Variants in SLC9A8 observed in about 807,000 individuals in gnomAD.
SLC9A8 encodes solute carrier family 9 member A8, also known as sodium/hydrogen exchanger 8.
In SLC9A8, 48 loss-of-function variants were observed where a neutral mutation model predicts 66.6. The ratio of observed to expected loss-of-function variants is 0.72; its 90% CI spans 0.57 to 0.92. The LOEUF (loss-of-function observed/expected upper bound fraction) is 0.92, where lower values mean the gene tolerates loss of function less well. Ranked by LOEUF, SLC9A8 falls within the 40% of genes least tolerant of loss-of-function variation. The probability of loss-of-function intolerance (pLI) is 0.00; values close to 1 mark genes in which losing one functional copy is unlikely to be tolerated. For missense variants in SLC9A8, 599 were observed against 747.3 expected, an observed-to-expected ratio of 0.80 and a Z score of 2.31; for synonymous variants, 274 against 282.6, an observed-to-expected ratio of 0.97 and a Z score of 0.31.
At position 49,815,015 on chromosome 20, in the gene SLC9A8, C is replaced by T; in HGVS notation, c.34C>T (p.Pro12Ser). The T allele has an allele frequency of 1.9e-6, 3 of 1,570,642 alleles. No homozygotes were observed. The highest frequency in any genetic ancestry group is 2.6e-6 in the Non-Finnish European group (3 of 1,155,466). Residue 12 changes from proline (P) to serine (S), a missense_variant, in exon 2 of 16, where the codon CCC becomes TCC. Physicochemically the swap from Pro to Ser is moderately conservative, Grantham distance 74. Transcript: ENST00000361573. ...GCTTTCTATGTCCTCCAGGAGGTTC[C>T]CCAATACAACTCATGAGGGTTTCAA... is the stretch of plus-strand genomic sequence containing the variant. Reference protein sequence around the residue: ...GEKMAEEERFPNTTHEGFNVT... With the variant: ...GEKMAEEERFSNTTHEGFNVT...
intron 12 of SLC9A8, among the ~76,000 whole-genome samples, chr20:49,879,645 C>T (rs1258422647): frequency 2.6e-5 from 4 of 151,316 alleles, no homozygotes; most frequent in East Asian, 2.0e-4. Flanking sequence ...GCCAACTTGG[C>T]GAAACCCCGT....
chr20:49,847,823 G>T (rs2088062401), intron 5 of SLC9A8, among the ~76,000 whole-genome samples: 1 of 150,654 alleles, frequency 6.6e-6, no homozygotes, highest in Non-Finnish European at 1.5e-5. Flanking sequence ...TTGGGTAAAT[G>T]TTCAGGATCC....
intron 8 of SLC9A8, among the ~76,000 whole-genome samples, chr20:49,858,173 G>A (rs993687913): frequency 3.9e-5 from 6 of 151,916 alleles, no homozygotes; most frequent in African/African-American, 1.2e-4. Context: ...TACTGGTTAC[G>A]GTGTATTCCT....
At chr20:49,840,879 G>T (rs550093897) in intron 4 of SLC9A8, among the ~76,000 whole-genome samples, 1 of 152,066 alleles carries the variant, frequency 6.6e-6, no homozygotes, top group Admixed American at 6.5e-5. Flanking sequence ...CATTTTGAGA[G>T]GCCAAGGTGG....
chr20:49,841,886 C>T lies in SLC9A8; in HGVS notation c.348+2287C>T, dbSNP rs549172115. The stretch of plus-strand genomic sequence containing the variant: ...CTGGGAGTACAGGTGTGAGCCACTG[C>T]GCCTGGGTGTGGCTAATTTTTAAAA... On this transcript the variant is annotated intron_variant, in intron 4 of 15. Coordinates refer to ENST00000361573, the MANE Select transcript of SLC9A8 (RefSeq NM_015266.3). Among the ~76,000 whole-genome samples, 214 of 152,042 alleles carry T rather than the reference C, an allele frequency of 1.4e-3. 1 individual carries two copies. Among genetic ancestry groups the T allele is most frequent in the Middle Eastern group, 6.8e-3 (2 of 294 alleles).
At chr20:49,818,052 C>CT (rs1293922216) in intron 2 of SLC9A8, among the ~76,000 whole-genome samples, 8 of 150,588 alleles carry the variant, frequency 5.3e-5, no homozygotes, top group Non-Finnish European at 1.0e-4. Context: ...TTTGTAATCA[C>CT]TTTTTTTTTA....
chr20:49,830,923 A>C, intron 3 of SLC9A8: 1 of 862,012 alleles, frequency 1.2e-6, no homozygotes. Context: ...CCTGATTTCT[A>C]CTGAAATACA....
intron 10 of SLC9A8, among the ~76,000 whole-genome samples, chr20:49,872,908 T>C (rs954204702): frequency 6.6e-6 from 1 of 152,230 alleles, no homozygotes; most frequent in African/African-American, 2.4e-5. Context: ...GGCAGCTTAT[T>C]TGATGATTTT....
At chr20:49,854,090 T>C (rs2088363905) in intron 7 of SLC9A8, among the ~76,000 whole-genome samples, 1 of 152,176 alleles carries the variant, frequency 6.6e-6, no homozygotes, top group South Asian at 2.1e-4. Context: ...TGACACAGGC[T>C]GGCCATTGGG....
At chr20:49,838,181 AAG>A (rs574395418) in intron 3 of SLC9A8, among the ~76,000 whole-genome samples, 1 of 152,206 alleles carries the variant, frequency 6.6e-6, no homozygotes, top group East Asian at 1.9e-4. Flanking sequence ...TTGGGCTAGG[AAG>A]AGAGAGAACG....
intron 4 of SLC9A8, among the ~76,000 whole-genome samples, chr20:49,841,134 A>T (rs2087741309): frequency 6.6e-6 from 1 of 152,000 alleles, no homozygotes; most frequent in Non-Finnish European, 1.5e-5. Context: ...GTGAAACCTC[A>T]TCTCTTCTAA....
intron 3 of SLC9A8, among the ~76,000 whole-genome samples, chr20:49,832,603 C>T (rs973994835): frequency 1.3e-5 from 2 of 152,222 alleles, no homozygotes; most frequent in African/African-American, 4.8e-5. Context: ...CCCCTCTCCC[C>T]ACTCACGGCT....
chr20:49,864,048 AT>A, intron 9 of SLC9A8: 1 of 152,046 alleles, frequency 6.6e-6, no homozygotes, highest in East Asian at 1.9e-4. Context: ...CCAGTTCAGT[AT>A]TTTCCTCTAT....
intron 1 of SLC9A8, 78 bp from the exon 2 acceptor site, chr20:49,814,930 T>C: frequency 8.4e-7 from 1 of 1,193,426 alleles, no homozygotes; most frequent in Non-Finnish European, 1.1e-6. Flanking sequence ...GGACAGCTTC[T>C]CTTTCTGGTG....
At chr20:49,850,944 C>G in intron 7 of SLC9A8, 100 bp downstream of exon 7, 3 of 743,596 alleles carry the variant, frequency 4.0e-6, no homozygotes, top group Non-Finnish European at 6.4e-6. Context: ...TATTCTCTCT[C>G]TGTGTATTTA....
chr20:49,868,461 G>A (rs988744037), intron 10 of SLC9A8, among the ~76,000 whole-genome samples: 6 of 152,228 alleles, frequency 3.9e-5, no homozygotes, highest in African/African-American at 1.4e-4. Flanking sequence ...CAGATGGAAA[G>A]GGTGGTTTCT....
chr20:49,856,816 G>A (rs1241676145), intron 8 of SLC9A8, among the ~76,000 whole-genome samples: 4 of 135,028 alleles, frequency 3.0e-5, no homozygotes, highest in South Asian at 2.2e-4. Flanking sequence ...GCGAGACTCC[G>A]TCTCAAAAAA....
chr20:49,824,835 T>G (rs1823734034), intron 3 of SLC9A8, among the ~76,000 whole-genome samples: 1 of 152,144 alleles, frequency 6.6e-6, no homozygotes, highest in South Asian at 2.1e-4. Flanking sequence ...ATTTCACTCT[T>G]CTCTGCCAAT....
chr20:49,855,267 C>T (rs539600422), intron 7 of SLC9A8, among the ~76,000 whole-genome samples, 171 bp from the exon 8 acceptor site: 3 of 152,330 alleles, frequency 2.0e-5, no homozygotes, highest in Admixed American at 2.0e-4. Context: ...TTTCATACTC[C>T]ACCCACAAAA....
Sources: gnomAD v4.1 joint callset for allele counts (sites outside exome capture counted in the v4.1 genomes callset) on GRCh38, gnomAD v4.1.1 for gene constraint, MANE v1.5 for transcripts, NCBI Gene and HGNC (gene_info 2026-07-23, HGNC 2026-07-21) for gene names.